FARP2: variants seen among roughly 807,000 people sequenced by gnomAD.
FARP2 encodes the protein FERM, ARHGEF and pleckstrin domain-containing protein 2.
FARP2 carries 111 observed loss-of-function variants against 130.5 expected under a neutral mutation model. That is an observed-to-expected ratio of 0.85 (90% confidence interval 0.73 to 1.00). The LOEUF is 1.00. Among genes scored for constraint, FARP2 ranks in the 50% least tolerant of loss-of-function variants. FARP2 has a pLI of 0.00. For missense variants in FARP2, 1,385 were observed against 1,346.3 expected (o/e 1.03, Z -0.45); for synonymous variants, 504 against 516.9 (o/e 0.98, Z 0.34).
chr2:241,489,114 T>C (rs2064832505), intron 21 of FARP2: 1 of 152,234 alleles, frequency 6.6e-6, no homozygotes, highest in Admixed American at 6.5e-5. Flanking sequence ...TTGCCTGCCC[T>C]TGCTTATGTT....
intron 24 of FARP2, 144 bp downstream of exon 24, chr2:241,491,823 A>C (rs1686650656): frequency 1.3e-6 from 1 of 765,390 alleles, no homozygotes; most frequent in African/African-American, 1.8e-5. Flanking sequence ...CCTTGGTAGA[A>C]GTTGGTATGG....
chr2:241,425,121 C>G (rs530117724), intron 8 of FARP2, among the ~76,000 whole-genome samples: 1 of 151,962 alleles, frequency 6.6e-6, no homozygotes, highest in Non-Finnish European at 1.5e-5. Context: ...GAAGGAGAAC[C>G]GCTTGAGCCT....
At chr2:241,412,612 C>T (rs2062549084) in intron 6 of FARP2, among the ~76,000 whole-genome samples, 1 of 151,984 alleles carries the variant, frequency 6.6e-6, no homozygotes, top group Non-Finnish European at 1.5e-5. Flanking sequence ...CATTATTCAT[C>T]AAGAAATTTG....
chr2:241,479,663 A>G (rs1251846400), intron 19 of FARP2, among the ~76,000 whole-genome samples: 1 of 152,206 alleles, frequency 6.6e-6, no homozygotes, highest in Non-Finnish European at 1.5e-5. Context: ...CCCAGTGCTT[A>G]TACTCTGGAA....
chr2:241,455,941 G>A (rs949614556), intron 13 of FARP2, among the ~76,000 whole-genome samples: 6 of 151,742 alleles, frequency 4.0e-5, no homozygotes, highest in East Asian at 1.9e-4. Flanking sequence ...GGGTTTCACC[G>A]TGTTAGCGAG....
At chr2:241,451,562 A>T (rs1239031213) in intron 13 of FARP2, among the ~76,000 whole-genome samples, 1 of 152,164 alleles carries the variant, frequency 6.6e-6, no homozygotes, top group Non-Finnish European at 1.5e-5. Context: ...TGTATATGAT[A>T]CGAATTTTAT....
rs148360632 is a variant in FARP2 at position 241,468,350 on chromosome 2, G to A, written c.2104G>A (p.Gly702Arg). 84 of 1,613,138 alleles carry A rather than the reference G, an allele frequency of 5.2e-5. 1 individual carries two copies. Among genetic ancestry groups the A allele is most frequent in the South Asian group, 1.3e-4 (12 of 91,062 alleles). Residue 702 changes from glycine to arginine, a missense_variant, in exon 18 of 27, where the codon GGG becomes AGG. Physicochemically the swap from Gly to Arg is moderately radical, Grantham distance 125. Transcript: ENST00000264042. ...LRRLCGHYSPGHHDYADCHDA... is the reference protein window; with the variant it reads ...LRRLCGHYSPRHHDYADCHDA... ...CCGCCTATGCGGACATTACAGCCCC[G>A]GGCACCATGACTACGCTGACTGCCA...
At chr2:241,435,881 T>A (rs2063214875) in intron 11 of FARP2, among the ~76,000 whole-genome samples, 1 of 151,078 alleles carries the variant, frequency 6.6e-6, no homozygotes, top group East Asian at 2.0e-4. Flanking sequence ...TAGCTTAGCT[T>A]ATATATATTT....
At chr2:241,431,205 A>G (rs181115924) in intron 8 of FARP2, among the ~76,000 whole-genome samples, 2 of 152,180 alleles carry the variant, frequency 1.3e-5, no homozygotes, top group South Asian at 2.1e-4. Flanking sequence ...TGTTAAGTAC[A>G]TCTTTTTCCA....
intron 1 of FARP2, among the ~76,000 whole-genome samples, chr2:241,361,041 A>AC (rs199733893): frequency 0.013 from 2,002 of 152,112 alleles, 109 homozygotes; most frequent in Admixed American, 0.088. Context: ...AAAAAAAAAA[A>AC]ACACACATCT....
chr2:241,418,185 A>G, intron 8 of FARP2, 76 bp downstream of exon 8: 1 of 1,509,086 alleles, frequency 6.6e-7, no homozygotes. Flanking sequence ...TTGTTCTTAT[A>G]GATGTTAGTA....
At chr2:241,378,423 T>TTTTTTTTTTC (rs1368319861) in intron 2 of FARP2, among the ~76,000 whole-genome samples, 1 of 145,890 alleles carries the variant, frequency 6.9e-6, no homozygotes, top group African/African-American at 2.6e-5. Flanking sequence ...CCTATTTTTT[T>TTTTTTTTTTC]TTTTTTGAGT....
chr2:241,414,410 T>G (rs2062609515), intron 7 of FARP2, among the ~76,000 whole-genome samples: 1 of 152,118 alleles, frequency 6.6e-6, no homozygotes, highest in African/African-American at 2.4e-5. Context: ...ACACATCCTG[T>G]TGAGATGCAG....
At position 241,435,757 on chromosome 2, in the gene FARP2, C is replaced by T. The variant is rs567909176; in HGVS notation, c.1101-724C>T. 1.9e-4 allele frequency among the ~76,000 whole-genome samples: 28 copies of T among 150,356 alleles called. 1 individual carries two copies. The highest frequency in any genetic ancestry group is 5.6e-4 in the African/African-American group (23 of 40,966). ...CGACCTCCTGACCTCATGATCCACCCGCCTCGGCCTCCCAAAGTGCTGGGA... is the reference window on the plus strand; with the variant it reads ...CGACCTCCTGACCTCATGATCCACCTGCCTCGGCCTCCCAAAGTGCTGGGA... On this transcript the variant is annotated intron_variant, in intron 11 of 26. Coordinates refer to ENST00000264042, the MANE Select transcript of FARP2 (RefSeq NM_014808.4).
intron 5 of FARP2, among the ~76,000 whole-genome samples, chr2:241,407,859 G>A (rs1318219767): frequency 6.6e-6 from 1 of 152,058 alleles, no homozygotes; most frequent in African/African-American, 2.4e-5. Context: ...GGGATGTTAG[G>A]GTCATGTTGA....
At chr2:241,480,196 G>C (rs767194383) in intron 19 of FARP2, among the ~76,000 whole-genome samples, 6 of 152,214 alleles carry the variant, frequency 3.9e-5, no homozygotes, top group Non-Finnish European at 8.8e-5. Context: ...GCAGGTCAGA[G>C]GCTCTGACAC....
At chr2:241,479,060 C>G (rs988672482) in intron 19 of FARP2, 2 of 528,804 alleles carry the variant, frequency 3.8e-6, no homozygotes, top group Non-Finnish European at 6.9e-6. Flanking sequence ...CTACCATGTC[C>G]AGGAAGCTTG....
At chr2:241,393,181 G>A (rs540316002) in intron 2 of FARP2, among the ~76,000 whole-genome samples, 44 of 151,686 alleles carry the variant, frequency 2.9e-4, no homozygotes, top group African/African-American at 4.1e-4. Context: ...CACCACACCC[G>A]GCTAATTTTT....
At chr2:241,426,281 C>T (rs546330396) in intron 8 of FARP2, among the ~76,000 whole-genome samples, 3 of 151,932 alleles carry the variant, frequency 2.0e-5, no homozygotes, top group East Asian at 1.9e-4. Flanking sequence ...AGGTACATGC[C>T]GGTGAAGCAA....
Sources: gnomAD v4.1 joint callset for allele counts (sites outside exome capture counted in the v4.1 genomes callset) on GRCh38, gnomAD v4.1.1 for gene constraint, MANE v1.5 for transcripts, NCBI Gene and HGNC (gene_info 2026-07-23, HGNC 2026-07-21) for gene names.